Variants in IGSF5 observed in about 807,000 individuals in gnomAD.
The protein encoded by IGSF5 is immunoglobulin superfamily 5 like.
IGSF5 carries 41 observed loss-of-function variants against 39.4 expected under a neutral mutation model. The observed-to-expected ratio is 1.04, with a 90% confidence interval of 0.81 to 1.35. The LOEUF (loss-of-function observed/expected upper bound fraction) is 1.35. Among genes scored for constraint, IGSF5 ranks in the 40% most tolerant of loss-of-function variants. The pLI, the probability that IGSF5 is intolerant of heterozygous loss-of-function variation, is 0.00. For synonymous variants in IGSF5, 183 were observed against 175.3 expected, an observed-to-expected ratio of 1.04 and a Z score of -0.34; for missense variants, 487 against 494.6, an observed-to-expected ratio of 0.98 and a Z score of 0.15.
intron 5 of IGSF5, among the ~76,000 whole-genome samples, chr21:39,780,341 A>G (rs2080164077): frequency 6.6e-6 from 1 of 152,170 alleles, no homozygotes; most frequent in African/African-American, 2.4e-5. Context: ...GCCTGATGCA[A>G]CCCCTTAGGA....
At chr21:39,770,840 A>AG in intron 3 of IGSF5, 76 bp from the exon 4 acceptor site, 10 of 1,127,806 alleles carry the variant, frequency 8.9e-6, no homozygotes, top group Admixed American at 6.4e-5. Flanking sequence ...TAAAAAAAAA[A>AG]AGAAAAAAAA....
the IGSF5 span, among the ~76,000 whole-genome samples, chr21:39,719,685 C>T: frequency 6.6e-6 from 1 of 152,224 alleles, no homozygotes; most frequent in African/African-American, 2.4e-5. Flanking sequence ...CACTGCTGCA[C>T]ATCACACCAC....
At chr21:39,771,356 A>G (rs1405961340) in intron 4 of IGSF5, 141 bp downstream of exon 4, 1 of 620,378 alleles carries the variant, frequency 1.6e-6, no homozygotes, top group Non-Finnish European at 2.5e-6. Context: ...GGCCAATCAC[A>G]TCTGCTGTCA....
intron 4 of IGSF5, among the ~76,000 whole-genome samples, chr21:39,778,757 T>C (rs2080153873): frequency 6.6e-6 from 1 of 152,196 alleles, no homozygotes; most frequent in African/African-American, 2.4e-5. Flanking sequence ...AAATAAAGGA[T>C]GTCAAACGTG....
At chr21:39,727,177 T>G in the IGSF5 span, among the ~76,000 whole-genome samples, 6 of 152,230 alleles carry the variant, frequency 3.9e-5, no homozygotes, top group Non-Finnish European at 7.3e-5. Flanking sequence ...GAATTTTGCT[T>G]CCTATCCCTG....
At chr21:39,725,845 G>A in the IGSF5 span, 1 of 152,170 alleles carries the variant, frequency 6.6e-6, no homozygotes, top group East Asian at 1.9e-4. Flanking sequence ...TAGAGATCAA[G>A]TTAAAGAATA....
intron 2 of IGSF5, among the ~76,000 whole-genome samples, chr21:39,759,946 A>G (rs1221572334): frequency 2.6e-5 from 4 of 151,742 alleles, no homozygotes; most frequent in East Asian, 1.9e-4. Context: ...GGAGGTGGCT[A>G]TTTCAGGAGA....
At chr21:39,782,031 A>G (rs983923207) in intron 5 of IGSF5, among the ~76,000 whole-genome samples, 1 of 118,310 alleles carries the variant, frequency 8.5e-6, no homozygotes, top group Non-Finnish European at 1.7e-5. Context: ...GTATGCATCT[A>G]ATTTTATCTT....
chr21:39,794,729 T>G (rs1251850904), intron 8 of IGSF5, among the ~76,000 whole-genome samples: 1 of 152,160 alleles, frequency 6.6e-6, no homozygotes, highest in African/African-American at 2.4e-5. Flanking sequence ...GGCTGGGTTT[T>G]GGATAGCACA....
chr21:39,750,358 T>C (rs969498695), intron 2 of IGSF5, among the ~76,000 whole-genome samples: 6 of 151,970 alleles, frequency 3.9e-5, no homozygotes, highest in African/African-American at 1.5e-4. Flanking sequence ...AAAGCAGACC[T>C]TTCACTGGGT....
At chr21:39,789,614 A>C (rs463639) in intron 6 of IGSF5, among the ~76,000 whole-genome samples, 31,268 of 152,140 alleles carry the variant, frequency 0.21, 4,333 homozygotes, top group Non-Finnish European at 0.31. Context: ...ATATGTATAT[A>C]GTTGTATGTT....
intron 8 of IGSF5, among the ~76,000 whole-genome samples, chr21:39,796,525 A>C (rs2146296361): frequency 6.6e-6 from 1 of 152,332 alleles, no homozygotes; most frequent in South Asian, 2.1e-4. Flanking sequence ...AGCTATTCAG[A>C]GTCCCGTCTC....
At chr21:39,755,553 C>A (rs1647727732) in intron 2 of IGSF5, among the ~76,000 whole-genome samples, 1 of 148,734 alleles carries the variant, frequency 6.7e-6, no homozygotes, top group South Asian at 2.1e-4. Flanking sequence ...CACCATTGCA[C>A]TCCAGACTGG....
chr21:39,732,747 C>T, the IGSF5 span, among the ~76,000 whole-genome samples: 78 of 152,156 alleles, frequency 5.1e-4, no homozygotes, highest in Admixed American at 1.0e-3. Flanking sequence ...AATTCCAAGC[C>T]GGGAGTGGTG....
At chr21:39,740,934 T>C (rs2079945945), upstream of IGSF5, among the ~76,000 whole-genome samples, 1 of 152,168 alleles carries the variant, frequency 6.6e-6, no homozygotes, top group Non-Finnish European at 1.5e-5. Flanking sequence ...CCCTGTATTA[T>C]TTTAACTGCT....
chr21:39,793,547 C>G lies in IGSF5; in HGVS notation c.1062C>G (p.Leu354=). ...CTTCTGTTGCAGACACCGCTTCTCT[C>G]CCTCCCAAATCCTGTGAATCCAGTG... is the stretch of plus-strand genomic sequence containing the variant. ...DEQKTTDTAS[L]PPKSCESSDP... Residue 354 remains leucine, a synonymous_variant, in exon 8 of 9, where the codon CTC becomes CTG. Transcript: ENST00000380588. 1 of 1,613,884 alleles carries G rather than the reference C, an allele frequency of 6.2e-7. No individual in the cohort carries two copies. Among genetic ancestry groups the G allele is most frequent in the Non-Finnish European group, 8.5e-7 (1 of 1,179,772 alleles).
chr21:39,799,625 C>T (rs552296477), intron 8 of IGSF5, among the ~76,000 whole-genome samples: 13 of 151,868 alleles, frequency 8.6e-5, no homozygotes, highest in Middle Eastern at 3.4e-3. Flanking sequence ...ACTTGTACCT[C>T]GTGTCCCTGC....
chr21:39,755,799 T>G (rs1301525627), intron 2 of IGSF5, among the ~76,000 whole-genome samples: 1 of 151,856 alleles, frequency 6.6e-6, no homozygotes, highest in African/African-American at 2.4e-5. Context: ...GCACAGGTAT[T>G]TCAAACCTTA....
At chr21:39,724,980 G>T in the IGSF5 span, among the ~76,000 whole-genome samples, 1 of 152,206 alleles carries the variant, frequency 6.6e-6, no homozygotes, top group Non-Finnish European at 1.5e-5. Context: ...ACAATACAAA[G>T]TATTTACACC....
Sources: gnomAD v4.1 joint callset for allele counts (sites outside exome capture counted in the v4.1 genomes callset) on GRCh38, gnomAD v4.1.1 for gene constraint, MANE v1.5 for transcripts, NCBI Gene and HGNC (gene_info 2026-07-23, HGNC 2026-07-21) for gene names.